Variants in YBEY observed in about 807,000 individuals in gnomAD.
The protein encoded by YBEY is endoribonuclease YbeY.
Under a neutral mutation model 13.5 loss-of-function variants are expected in YBEY, and 15 were observed. The observed-to-expected ratio is 1.11, with a 90% CI of 0.75 to 1.72. The LOEUF is 1.72. YBEY is among the 40% of genes most tolerant of loss of function. The probability of loss-of-function intolerance (pLI) is 0.00; values close to 1 mark genes in which losing one functional copy is unlikely to be tolerated. For synonymous variants in YBEY, 101 were observed against 83.1 expected (o/e 1.21, Z -1.17); for missense variants, 244 against 208.4 (o/e 1.17, Z -1.05).
chr21:46,299,121 C>T (rs1268596074), downstream of YBEY, among the ~76,000 whole-genome samples: 1 of 150,936 alleles, frequency 6.6e-6, no homozygotes, highest in Non-Finnish European at 1.5e-5. Flanking sequence ...TGTGTGCCAC[C>T]ACACCTGGCT....
chr21:46,306,100 G>A, the YBEY span, among the ~76,000 whole-genome samples: 1 of 150,588 alleles, frequency 6.6e-6, no homozygotes, highest in African/African-American at 2.4e-5. Context: ...CATGAGATGG[G>A]AATATAATCC....
At chr21:46,295,230 C>A (rs749953572) in intron 3 of YBEY, among the ~76,000 whole-genome samples, 2 of 152,076 alleles carry the variant, frequency 1.3e-5, no homozygotes, top group South Asian at 4.1e-4. Context: ...GGCCAGCCCA[C>A]CAGCCCAGGA....
At chr21:46,286,770 G>C (rs1018090559) in intron 1 of YBEY, 100 bp from the exon 2 acceptor site, 11 of 714,096 alleles carry the variant, frequency 1.5e-5, no homozygotes, top group Non-Finnish European at 2.1e-5. Context: ...TTTTCAATCA[G>C]TTCCACCAAA....
At position 46,297,573 on chromosome 21, in the gene YBEY, TG is replaced by T. The variant is rs1310355392; in HGVS notation, c.446del (p.Gly149AlafsTer11). ...AAGGAGAAGGCGGTGCTGGACGAGC[TG>T]GGCCGACGCACGGGGACCCGGCTGC... ...FQKEKAVLDE[L>X]GRRTGTRLQP... On this transcript the variant is annotated frameshift_variant, in exon 5 of 5. Transcript: ENST00000397701. LOFTEE classifies it high-confidence loss of function. The T allele has an allele frequency of 7.2e-7, 1 of 1,394,052 alleles. No individual in the cohort carries two copies. The highest frequency in any genetic ancestry group is 1.6e-5 in the South Asian group (1 of 62,890). 86.4% of individuals were successfully genotyped at this position (1,394,052 alleles called of 1,614,324 possible).
chr21:46,304,023 T>G, the YBEY span, among the ~76,000 whole-genome samples: 51 of 92,856 alleles, frequency 5.5e-4, no homozygotes, highest in Non-Finnish European at 1.1e-3. Context: ...AGTGCTGGTT[T>G]TTTTTTTTTT....
the YBEY span, among the ~76,000 whole-genome samples, chr21:46,312,265 G>A: frequency 0.041 from 6,257 of 152,210 alleles, 317 homozygotes; most frequent in African/African-American, 0.12. Context: ...GGGGTGGGCT[G>A]AGGCCTGGTT....
Position 46,291,216 on chromosome 21 carries a change from A to AG in YBEY, c.211-117dup, listed in dbSNP as rs1555919136. 3.4e-3 allele frequency: 3,154 copies of AG among 915,024 alleles called. 107 individuals carry two copies. Among genetic ancestry groups the AG allele is most frequent in the Admixed American group, 0.015 (315 of 21,550 alleles). The allele number at this position is 915,024 out of a possible 1,614,324, so 56.7% of individuals were successfully genotyped here. Reference sequence around the variant, plus strand: ...CCGTCTCAAAAAAAAAAAAAAAAAAAGTGATTTGGCTCAGAGATAAGTGCT... The same window carrying AG: ...CCGTCTCAAAAAAAAAAAAAAAAAAAGGTGATTTGGCTCAGAGATAAGTGCT... On this transcript the variant is annotated intron_variant, in intron 2 of 4. Coordinates refer to ENST00000397701, the MANE Select transcript of YBEY (RefSeq NM_001314025.2).
chr21:46,303,708 A>ATACATATATATAT, the YBEY span, among the ~76,000 whole-genome samples: 1 of 37,290 alleles, frequency 2.7e-5, no homozygotes, highest in Admixed American at 4.7e-4. Flanking sequence ...ACACACACAA[A>ATACATATATATAT]ATATATATAT....
At chr21:46,311,656 C>G in the YBEY span, 3 of 548,108 alleles carry the variant, frequency 5.5e-6, no homozygotes, top group South Asian at 9.1e-5. Context: ...CCCACCCATC[C>G]AACCAACCAA....
intron 1 of YBEY, 188 bp from the exon 2 acceptor site, chr21:46,286,682 C>G (rs927021221): frequency 2.9e-6 from 1 of 341,256 alleles, no homozygotes; most frequent in South Asian, 4.0e-5. Context: ...TGGAGTCCTT[C>G]TGGCCGGATT....
At chr21:46,303,724 TATATATATATATATATATATA>T in the YBEY span, among the ~76,000 whole-genome samples, 21 of 23,886 alleles carry the variant, frequency 8.8e-4, no homozygotes, top group African/African-American at 4.3e-3. Context: ...TATATATATA[TATATATATATATATATATATA>T]TTTTTTTTTT....
downstream of YBEY, among the ~76,000 whole-genome samples, chr21:46,298,018 G>C (rs968457476): frequency 6.6e-6 from 1 of 152,174 alleles, no homozygotes; most frequent in African/African-American, 2.4e-5. Context: ...TGGAATATTC[G>C]AGTAAACCCT....
chr21:46,301,970 GC>G, downstream of YBEY: 1 of 1,489,350 alleles, frequency 6.7e-7, no homozygotes, highest in East Asian at 2.6e-5. Context: ...GGTGGAGGGT[GC>G]CCCGGCCAGG....
At chr21:46,290,557 T>C (rs2081656359) in intron 2 of YBEY, among the ~76,000 whole-genome samples, 1 of 152,006 alleles carries the variant, frequency 6.6e-6, no homozygotes, top group African/African-American at 2.4e-5. Flanking sequence ...TACGGTTGGC[T>C]GGGCAACCCA....
At chr21:46,299,408 G>A (rs2082055241), downstream of YBEY, among the ~76,000 whole-genome samples, 1 of 152,074 alleles carries the variant, frequency 6.6e-6, no homozygotes, top group Middle Eastern at 3.2e-3. Context: ...AGTTAGGAGT[G>A]GGGGCTCACA....
downstream of YBEY, among the ~76,000 whole-genome samples, chr21:46,298,532 C>T (rs563770355): frequency 6.7e-6 from 1 of 150,166 alleles, no homozygotes; most frequent in Admixed American, 6.8e-5. Flanking sequence ...GGGGTTCACG[C>T]CATTCTCCTG....
At chr21:46,298,069 G>A (rs1440288184), downstream of YBEY, among the ~76,000 whole-genome samples, 1 of 152,246 alleles carries the variant, frequency 6.6e-6, no homozygotes. Flanking sequence ...TCAGGGCAGC[G>A]CGTCGCGAGC....
intron 3 of YBEY, chr21:46,291,806 C>A: frequency 9.2e-7 from 1 of 1,082,404 alleles, no homozygotes; most frequent in Non-Finnish European, 1.1e-6. Context: ...GAGCCTCCAC[C>A]ACCTTCCAGA....
Position 46,295,056 on chromosome 21 carries a change from T to G in YBEY, c.340-1106T>G, listed in dbSNP as rs560408915. ...TGACAGGAAGTGGCCCAGCCGGAGA[T>G]TCAGCCCTGGGATCTCTGTGGCCAG... On this transcript the variant is annotated intron_variant, in intron 3 of 4. Transcript: ENST00000397701. Among the ~76,000 whole-genome samples the G allele has an allele frequency of 4.6e-5, 7 of 152,254 alleles. No homozygotes were observed. The East Asian group carries it at 1.4e-3, about 29-fold the overall frequency.
Sources: allele counts gnomAD v4.1 joint callset (sites outside exome capture counted in the v4.1 genomes callset), GRCh38; gene constraint gnomAD v4.1.1; transcripts MANE v1.5; gene names NCBI Gene and HGNC (gene_info 2026-07-23, HGNC 2026-07-21).